GRIK3: variants seen among roughly 807,000 people sequenced by gnomAD.
GRIK3 encodes the protein glutamate ionotropic receptor kainate type subunit 3, also known as glutamate receptor ionotropic, kainate 3.
GRIK3 carries 29 observed loss-of-function variants against 102.5 expected under a neutral mutation model. The observed-to-expected ratio is 0.28, with a 90% confidence interval of 0.21 to 0.39. GRIK3 has a LOEUF of 0.39. Among genes scored for constraint, GRIK3 ranks in the 10% least tolerant of loss-of-function variants. The pLI is 1.00. For synonymous variants in GRIK3, 511 were observed against 504.9 expected (o/e 1.01, Z -0.16); for missense variants, 908 against 1,252.4 (o/e 0.73, Z 4.15).
chr1:36,902,505 G>T (rs980205582), intron 1 of GRIK3, among the ~76,000 whole-genome samples: 1 of 152,158 alleles, frequency 6.6e-6, no homozygotes. Context: ...CAACAAAAGG[G>T]CTAGAACAAC....
At chr1:36,875,477 A>G (rs539067978) in intron 3 of GRIK3, among the ~76,000 whole-genome samples, 3 of 152,342 alleles carry the variant, frequency 2.0e-5, no homozygotes, top group African/African-American at 7.2e-5. Flanking sequence ...GGGCTCACCC[A>G]TGTGAATTGT....
chr1:37,001,160 C>T (rs922241918), intron 1 of GRIK3, among the ~76,000 whole-genome samples: 5 of 152,184 alleles, frequency 3.3e-5, no homozygotes, highest in African/African-American at 9.7e-5. Flanking sequence ...GCTCCATGTC[C>T]CCATCCTCAC....
chr1:37,005,719 T>A (rs1262741870), intron 1 of GRIK3, among the ~76,000 whole-genome samples: 1 of 152,248 alleles, frequency 6.6e-6, no homozygotes, highest in East Asian at 1.9e-4. Context: ...CATTCATTTG[T>A]TCAGCAAATA....
At chr1:36,952,725 G>A (rs368278420) in intron 1 of GRIK3, among the ~76,000 whole-genome samples, 3 of 152,206 alleles carry the variant, frequency 2.0e-5, no homozygotes, top group Non-Finnish European at 2.9e-5. Context: ...ATGAATGAAT[G>A]AATAAATGAC....
At chr1:36,869,840 C>T (rs370693961) in intron 4 of GRIK3, 39 bp from the exon 5 acceptor site, 14 of 1,511,802 alleles carry the variant, frequency 9.3e-6, no homozygotes, top group Non-Finnish European at 1.3e-5. Context: ...GCAGGGAACC[C>T]CTGGGCAGCC....
At chr1:36,988,136 C>CA (rs1642326045) in intron 1 of GRIK3, among the ~76,000 whole-genome samples, 1 of 152,164 alleles carries the variant, frequency 6.6e-6, no homozygotes, top group Non-Finnish European at 1.5e-5. Flanking sequence ...ACCAAAAACA[C>CA]AAAAATCAGC....
chr1:36,869,689 T>G (rs1391344595), intron 5 of GRIK3, 59 bp downstream of exon 5: 12 of 1,292,504 alleles, frequency 9.3e-6, no homozygotes, highest in Non-Finnish European at 1.4e-5. Context: ...TAAGCCACAA[T>G]GAACTTGATC....
At chr1:36,896,606 G>T (rs1395405574) in intron 1 of GRIK3, among the ~76,000 whole-genome samples, 1 of 152,006 alleles carries the variant, frequency 6.6e-6, no homozygotes, top group African/African-American at 2.4e-5. Context: ...TAGAAACAAA[G>T]AACAAGGGCA....
chr1:36,962,686 TC>T (rs1642026046), intron 1 of GRIK3, among the ~76,000 whole-genome samples: 1 of 146,956 alleles, frequency 6.8e-6, no homozygotes, highest in African/African-American at 2.5e-5. Context: ...GAACAAAAAG[TC>T]AGAGGGAGAA....
intron 1 of GRIK3, among the ~76,000 whole-genome samples, chr1:36,917,214 T>G (rs1641410943): frequency 6.6e-6 from 1 of 152,240 alleles, no homozygotes; most frequent in African/African-American, 2.4e-5. Context: ...TTCTCCCATT[T>G]GAAATGGCTG....
intron 1 of GRIK3, among the ~76,000 whole-genome samples, chr1:36,958,186 CT>C (rs1473359619): frequency 1.9e-5 from 2 of 105,848 alleles, no homozygotes; most frequent in African/African-American, 3.8e-5. Flanking sequence ...GTCTGTGCCC[CT>C]GAGTCTGTGT....
At chr1:36,922,363 G>A (rs1203658516) in intron 1 of GRIK3, among the ~76,000 whole-genome samples, 1 of 152,184 alleles carries the variant, frequency 6.6e-6, no homozygotes, top group Non-Finnish European at 1.5e-5. Flanking sequence ...GCCCCCTTAA[G>A]CAGCATCCCC....
At chr1:36,991,325 C>T (rs1422069208) in intron 1 of GRIK3, among the ~76,000 whole-genome samples, 1 of 152,192 alleles carries the variant, frequency 6.6e-6, no homozygotes, top group Non-Finnish European at 1.5e-5. Flanking sequence ...TAGATGATCA[C>T]AGATATGACC....
At chr1:36,992,169 C>T (rs115878887) in intron 1 of GRIK3, among the ~76,000 whole-genome samples, 3 of 152,284 alleles carry the variant, frequency 2.0e-5, no homozygotes, top group East Asian at 1.9e-4. Context: ...TGCCATCTTC[C>T]GCCCTTCCCA....
chr1:37,021,456 G>A (rs561252046), intron 1 of GRIK3, among the ~76,000 whole-genome samples: 23 of 152,200 alleles, frequency 1.5e-4, no homozygotes, highest in Admixed American at 1.4e-3. Context: ...GAAGGAAGAC[G>A]CAAGGCTCTG....
chr1:36,872,290 G>A lies in GRIK3; in HGVS notation c.630C>T (p.Asp210=). The change falls in exon 4 of 16, where the codon GAC becomes GAT. Residue 210 remains aspartate (D), a synonymous_variant. Coordinates refer to ENST00000373091, the MANE Select transcript of GRIK3 (RefSeq NM_000831.4). This position sits in a 1 kb window ranked among gnomAD's most constrained non-coding sequence, Gnocchi z 5.9. The part of the protein sequence containing the change: ...IRLKIRQLPI[D]SDDSRPLLKE... ...TGAGCAAGGGGCGCGAGTCGTCAGA[G>A]TCGATGGGGAGCTGACGGATCTTCA... The A allele has an allele frequency of 6.2e-7, 1 of 1,613,170 alleles. No individual in the cohort carries two copies. Among genetic ancestry groups the A allele is most frequent in the South Asian group, 1.1e-5 (1 of 90,826 alleles).
At chr1:36,937,909 C>T (rs1641677122) in intron 1 of GRIK3, among the ~76,000 whole-genome samples, 1 of 152,212 alleles carries the variant, frequency 6.6e-6, no homozygotes. Flanking sequence ...CTCTGCTGGA[C>T]AGCTCAGCCT....
intron 1 of GRIK3, among the ~76,000 whole-genome samples, chr1:36,957,430 TCTGTGCTCTGTG>T (rs1641927377): frequency 6.9e-5 from 6 of 87,160 alleles, no homozygotes; most frequent in South Asian, 3.9e-4. Flanking sequence ...CCCATGAGCC[TCTGTGCTCTGTG>T]AGTCTGTGCC....
At chr1:36,838,999 C>T (rs1640416540) in intron 10 of GRIK3, among the ~76,000 whole-genome samples, 1 of 152,200 alleles carries the variant, frequency 6.6e-6, no homozygotes, top group Admixed American at 6.5e-5. Flanking sequence ...ACACTCCCTC[C>T]TTTTCCCAGC....
Sources: gnomAD v4.1 joint callset for allele counts (sites outside exome capture counted in the v4.1 genomes callset) on GRCh38, gnomAD v4.1.1 for gene constraint, Gnocchi (gnomAD v3.1) non-coding constraint, MANE v1.5 for transcripts, NCBI Gene and HGNC (gene_info 2026-07-23, HGNC 2026-07-21) for gene names.